SEL1L: variants seen among roughly 807,000 people sequenced by gnomAD.
The protein encoded by SEL1L is protein sel-1 homolog 1.
SEL1L carries 52 observed loss-of-function variants against 109.8 expected under a neutral mutation model. The observed-to-expected ratio is 0.47, with a 90% CI of 0.38 to 0.60. The LOEUF (loss-of-function observed/expected upper bound fraction) is 0.60. SEL1L is among the 20% of genes least tolerant of loss of function. The probability of loss-of-function intolerance (pLI) is 0.00; values close to 1 mark genes in which losing one functional copy is unlikely to be tolerated. For missense variants in SEL1L, 749 were observed against 962.2 expected (o/e 0.78, Z 2.93); for synonymous variants, 373 against 339.6 (o/e 1.10, Z -1.08).
intron 5 of SEL1L, among the ~76,000 whole-genome samples, chr14:81,503,898 TTA>T (rs1399194023): frequency 6.6e-6 from 1 of 152,210 alleles, no homozygotes; most frequent in African/African-American, 2.4e-5. Context: ...TCTTTTTGTT[TTA>T]TGTCATTTTG....
chr14:81,523,598 G>A (rs1885006471), intron 3 of SEL1L, among the ~76,000 whole-genome samples: 1 of 152,172 alleles, frequency 6.6e-6, no homozygotes, highest in African/African-American at 2.4e-5. Flanking sequence ...CAAGAAGGGG[G>A]TTGTGGGAAC....
At chr14:81,517,811 C>T (rs576985977) in intron 3 of SEL1L, among the ~76,000 whole-genome samples, 7 of 152,260 alleles carry the variant, frequency 4.6e-5, no homozygotes, top group African/African-American at 1.7e-4. Flanking sequence ...GACACAACTT[C>T]CTTGCTTTTT....
chr14:81,509,673 G>A (rs973329616), intron 3 of SEL1L, among the ~76,000 whole-genome samples: 3 of 152,174 alleles, frequency 2.0e-5, no homozygotes, highest in South Asian at 2.1e-4. Flanking sequence ...AATATGCAGC[G>A]TCGGCCAGAA....
intron 2 of SEL1L, 126 bp from the exon 3 acceptor site, chr14:81,527,090 T>G: frequency 1.4e-6 from 1 of 703,574 alleles, no homozygotes; most frequent in Non-Finnish European, 2.5e-6. Context: ...CACTCACTCA[T>G]CTCTATAGGC....
intron 19 of SEL1L, among the ~76,000 whole-genome samples, chr14:81,480,976 T>C (rs1408992574): frequency 1.3e-5 from 2 of 152,130 alleles, no homozygotes; most frequent in East Asian, 1.9e-4. Flanking sequence ...ACCCCACTCT[T>C]TCCTCAAGTG....
chr14:81,518,794 GGCATACCTAAAATCAATATT>G (rs2140048345), intron 3 of SEL1L, among the ~76,000 whole-genome samples: 1 of 152,104 alleles, frequency 6.6e-6, no homozygotes, highest in East Asian at 1.9e-4. Context: ...CCTCCTAAAA[GGCATACCTAAAATCAATATT>G]GCAGGCTGGT....
At chr14:81,502,401 T>C (rs940515501) in intron 6 of SEL1L, among the ~76,000 whole-genome samples, 1 of 152,212 alleles carries the variant, frequency 6.6e-6, no homozygotes, top group Non-Finnish European at 1.5e-5. Flanking sequence ...CTGCAACATC[T>C]GAACTTTGGA....
At chr14:81,481,436 T>C (rs1268459629) in intron 19 of SEL1L, among the ~76,000 whole-genome samples, 1 of 152,218 alleles carries the variant, frequency 6.6e-6, no homozygotes, top group African/African-American at 2.4e-5. Flanking sequence ...GCTAACAGTA[T>C]GGTTAGTGTC....
chr14:81,497,165 T>A (rs2140008566), intron 10 of SEL1L, among the ~76,000 whole-genome samples: 1 of 152,320 alleles, frequency 6.6e-6, no homozygotes. Flanking sequence ...ATAATTTCTA[T>A]CAGCTAACAT....
chr14:81,483,222 T>C (rs1010885351), intron 19 of SEL1L, among the ~76,000 whole-genome samples: 9 of 152,208 alleles, frequency 5.9e-5, no homozygotes, highest in Non-Finnish European at 1.0e-4. Flanking sequence ...AGAATTAATG[T>C]GAAATCTCAA....
chr14:81,523,288 T>C (rs543576279), intron 3 of SEL1L, among the ~76,000 whole-genome samples: 2 of 152,122 alleles, frequency 1.3e-5, no homozygotes, highest in Admixed American at 6.5e-5. Flanking sequence ...CAACGCGCAA[T>C]GATTTAATCA....
At chr14:81,479,524 C>G (rs1903276735) in intron 20 of SEL1L, 88 bp downstream of exon 20, 12 of 1,380,506 alleles carry the variant, frequency 8.7e-6, no homozygotes, top group Admixed American at 2.2e-5. Context: ...ACCACTCTTC[C>G]CTGTGCTTCT....
At chr14:81,482,655 T>C (rs1229559343) in intron 19 of SEL1L, among the ~76,000 whole-genome samples, 1 of 152,234 alleles carries the variant, frequency 6.6e-6, no homozygotes, top group Non-Finnish European at 1.5e-5. Context: ...GTACTGAGTT[T>C]GCTGCTCCTG....
chr14:81,514,119 C>T (rs1884600831), intron 3 of SEL1L, among the ~76,000 whole-genome samples: 3 of 152,204 alleles, frequency 2.0e-5, no homozygotes, highest in Non-Finnish European at 4.4e-5. Context: ...GACTCTATTC[C>T]CTTCTTTAGG....
intron 1 of SEL1L, among the ~76,000 whole-genome samples, chr14:81,532,168 A>T (rs1885352839): frequency 6.6e-6 from 1 of 152,234 alleles, no homozygotes; most frequent in Admixed American, 6.5e-5. Flanking sequence ...AGACAGCACA[A>T]TTCCTATGCT....
chr14:81,480,480 T>G (rs1215739272), intron 19 of SEL1L, among the ~76,000 whole-genome samples: 1 of 152,058 alleles, frequency 6.6e-6, no homozygotes, highest in Non-Finnish European at 1.5e-5. Context: ...TCCCAACACT[T>G]TGGGAGAGCG....
intron 12 of SEL1L, 100 bp from the exon 13 acceptor site, chr14:81,490,565 A>G: frequency 2.2e-6 from 2 of 918,006 alleles, no homozygotes; most frequent in South Asian, 3.0e-5. Flanking sequence ...ATCTCATTAA[A>G]TCTTTCCAAA....
In SEL1L at chr14:81,504,321, T is replaced by C. The variant is rs1388351152; in HGVS notation, c.509-15A>G. On this transcript the variant is annotated splice_polypyrimidine_tract_variant and intron_variant, in intron 4 of 20. Coordinates refer to ENST00000336735, the MANE Select transcript of SEL1L (RefSeq NM_005065.6). ...CTCTTCTTCAGCTAAAAACAAAACG[T>C]CAGATGCATTTAAATGGATTTTAAT... The C allele has an allele frequency of 1.9e-6, 3 of 1,544,826 alleles. No individual in the cohort carries two copies. The highest frequency in any genetic ancestry group is 1.2e-5 in the South Asian group (1 of 83,428).
chr14:81,522,514 A>G (rs1405809261), intron 3 of SEL1L, among the ~76,000 whole-genome samples: 6 of 152,260 alleles, frequency 3.9e-5, no homozygotes, highest in African/African-American at 1.4e-4. Flanking sequence ...AACAAGCTGT[A>G]GAAGTTTGTA....
Sources: gnomAD v4.1 joint callset for allele counts (sites outside exome capture counted in the v4.1 genomes callset) on GRCh38, gnomAD v4.1.1 for gene constraint, MANE v1.5 for transcripts, NCBI Gene and HGNC (gene_info 2026-07-23, HGNC 2026-07-21) for gene names.